DACH2: variants seen among roughly 807,000 people sequenced by gnomAD.
DACH2 encodes dachshund family transcription factor 2.
In DACH2, 17 loss-of-function variants were observed where a neutral mutation model predicts 35.8. That is an observed-to-expected ratio of 0.48 (90% CI 0.33 to 0.71). DACH2 has a LOEUF of 0.71. Among genes scored for constraint, DACH2 ranks in the 30% least tolerant of loss-of-function variants. The probability of loss-of-function intolerance (pLI) is 0.02; values close to 1 mark genes in which losing one functional copy is unlikely to be tolerated. For synonymous variants in DACH2, 195 were observed against 177.3 expected (o/e 1.10, Z -0.79); for missense variants, 469 against 472.7 (o/e 0.99, Z 0.07).
At chrX:86,695,826 T>C (rs2041062538) in intron 5 of DACH2, among the ~76,000 whole-genome samples, 1 of 111,346 alleles carries the variant, frequency 9.0e-6, no homozygotes, top group Non-Finnish European at 1.9e-5. Flanking sequence ...TGTTTTGAAT[T>C]CTACATCATT....
intron 3 of DACH2, among the ~76,000 whole-genome samples, chrX:86,570,332 C>A (rs1346140652): frequency 9.0e-6 from 1 of 111,373 alleles, no homozygotes; most frequent in Non-Finnish European, 1.9e-5. Flanking sequence ...GACATGGAAT[C>A]AACCCAAATA....
intron 6 of DACH2, among the ~76,000 whole-genome samples, chrX:86,716,282 A>C (rs779477285): frequency 4.4e-5 from 5 of 112,433 alleles, no homozygotes; most frequent in Admixed American, 9.4e-5. Context: ...ACTTGGAGTT[A>C]GAGTTGTCTT....
intron 2 of DACH2, among the ~76,000 whole-genome samples, chrX:86,469,840 G>T (rs1055263914): frequency 9.5e-6 from 1 of 105,366 alleles, no homozygotes; most frequent in Non-Finnish European, 1.9e-5. Context: ...GTCTGTGTGT[G>T]TTTGTGTGTG....
At chrX:86,399,960 A>T (rs984450320) in intron 2 of DACH2, among the ~76,000 whole-genome samples, 4 of 111,719 alleles carry the variant, frequency 3.6e-5, no homozygotes, top group African/African-American at 1.3e-4. Context: ...CTCCTGGATA[A>T]TATCCTGCAG....
intron 1 of DACH2, among the ~76,000 whole-genome samples, chrX:86,347,984 C>T (rs1423941555): frequency 2.7e-5 from 3 of 111,604 alleles, no homozygotes; most frequent in East Asian, 5.7e-4. Context: ...CTGTTGATAC[C>T]TTGTTTTTAT....
intron 3 of DACH2, among the ~76,000 whole-genome samples, chrX:86,568,434 T>C (rs2039320434): frequency 9.0e-6 from 1 of 110,867 alleles, no homozygotes; most frequent in Non-Finnish European, 1.9e-5. Flanking sequence ...AATTTTGCTA[T>C]GAACAGAAAC....
intron 1 of DACH2, among the ~76,000 whole-genome samples, chrX:86,335,748 T>A (rs111880175): frequency 1.8e-5 from 2 of 111,608 alleles, no homozygotes; most frequent in African/African-American, 6.5e-5. Flanking sequence ...ATTGCTTTCC[T>A]TTGCCTGATT....
At chrX:86,464,281 C>G (rs941476556) in intron 2 of DACH2, among the ~76,000 whole-genome samples, 1 of 111,157 alleles carries the variant, frequency 9.0e-6, no homozygotes, top group African/African-American at 3.3e-5. Context: ...AAATGCCCAT[C>G]AATTATAGAC....
chrX:86,814,900 A>G (rs1319601833), intron 10 of DACH2, 66 bp downstream of exon 10: 2 of 1,077,839 alleles, frequency 1.9e-6, no homozygotes, highest in Middle Eastern at 2.5e-4. Context: ...GAAAAATAGA[A>G]GAAGGAATAA....
intron 1 of DACH2, among the ~76,000 whole-genome samples, chrX:86,256,387 G>T (rs1319105804): frequency 3.6e-5 from 4 of 111,403 alleles, no homozygotes; most frequent in African/African-American, 1.3e-4. Flanking sequence ...TATAATAAAA[G>T]AAAAATATTC....
At chrX:86,719,505 A>G (rs778541265) in intron 6 of DACH2, among the ~76,000 whole-genome samples, 35 of 111,352 alleles carry the variant, frequency 3.1e-4, no homozygotes, top group Non-Finnish European at 5.6e-4. Context: ...TCAAGCTGCT[A>G]TGAAGAAATA....
At chrX:86,675,563 A>C (rs2040816816) in intron 4 of DACH2, among the ~76,000 whole-genome samples, 1 of 110,796 alleles carries the variant, frequency 9.0e-6, no homozygotes, top group African/African-American at 3.3e-5. Context: ...ACACGCCTAT[A>C]GTCTCAGCTT....
intron 4 of DACH2, among the ~76,000 whole-genome samples, chrX:86,688,221 C>T (rs1304790700): frequency 9.0e-6 from 1 of 111,641 alleles, no homozygotes; most frequent in Non-Finnish European, 1.9e-5. Context: ...CTGGGTACTG[C>T]TCTGCTCAGT....
chrX:86,161,786 CT>C (rs1365129854), intron 1 of DACH2, among the ~76,000 whole-genome samples: 1 of 111,704 alleles, frequency 9.0e-6, no homozygotes, highest in Non-Finnish European at 1.9e-5. Context: ...ATTTGCAGTT[CT>C]TTTGCGTTGT....
At chrX:86,619,947 G>GA (rs768444056) in intron 3 of DACH2, among the ~76,000 whole-genome samples, 3 of 111,767 alleles carry the variant, frequency 2.7e-5, no homozygotes, top group South Asian at 3.7e-4. Context: ...TTTTTCCTGG[G>GA]AAAAAAATTA....
At chrX:86,712,250 A>T (rs1175759392) in intron 5 of DACH2, among the ~76,000 whole-genome samples, 1 of 111,748 alleles carries the variant, frequency 8.9e-6, no homozygotes, top group Non-Finnish European at 1.9e-5. Context: ...TGATTAGTTT[A>T]ATATATATTA....
chrX:86,361,504 T>C (rs905783287), intron 1 of DACH2, among the ~76,000 whole-genome samples: 1 of 111,403 alleles, frequency 9.0e-6, no homozygotes, highest in Non-Finnish European at 1.9e-5. Context: ...AAGGTTATCA[T>C]TCATTCTGTT....
intron 3 of DACH2, among the ~76,000 whole-genome samples, chrX:86,627,569 A>G (rs761727184): frequency 8.9e-6 from 1 of 111,832 alleles, no homozygotes; most frequent in South Asian, 3.7e-4. Context: ...TTGTTTCTGG[A>G]GGTTGAGAAT....
At chrX:86,182,247 T>C (rs1280187901) in intron 1 of DACH2, among the ~76,000 whole-genome samples, 1 of 112,185 alleles carries the variant, frequency 8.9e-6, no homozygotes, top group Non-Finnish European at 1.9e-5. Flanking sequence ...GTTTTAGTCA[T>C]GAAGTCTTTG....
Sources: gnomAD v4.1 joint callset for allele counts (sites outside exome capture counted in the v4.1 genomes callset) on GRCh38, gnomAD v4.1.1 for gene constraint, MANE v1.5 for transcripts, NCBI Gene and HGNC (gene_info 2026-07-23, HGNC 2026-07-21) for gene names.